PDE10A: variants seen among roughly 807,000 people sequenced by gnomAD.
The protein encoded by PDE10A is cAMP and cAMP-inhibited cGMP 3',5'-cyclic phosphodiesterase 10A.
PDE10A carries 39 observed loss-of-function variants against 97.7 expected under a neutral mutation model. The ratio of observed to expected loss-of-function variants is 0.40; its 90% confidence interval spans 0.31 to 0.52. PDE10A has a LOEUF of 0.52. Among genes scored for constraint, PDE10A ranks in the 20% least tolerant of loss-of-function variants. PDE10A has a pLI of 0.56. For synonymous variants in PDE10A, 371 were observed against 376.8 expected, an observed-to-expected ratio of 0.98 and a Z score of 0.18; for missense variants, 731 against 1,047.8, an observed-to-expected ratio of 0.70 and a Z score of 4.17.
At chr6:165,971,414 C>A (rs748909037) in intron 1 of PDE10A, among the ~76,000 whole-genome samples, 7 of 152,166 alleles carry the variant, frequency 4.6e-5, no homozygotes, top group Non-Finnish European at 8.8e-5. Context: ...AGGGCTCATG[C>A]CACACCTTCT....
chr6:165,918,135 T>A (rs1370586911), intron 1 of PDE10A, among the ~76,000 whole-genome samples: 1 of 152,216 alleles, frequency 6.6e-6, no homozygotes, highest in Non-Finnish European at 1.5e-5. Context: ...AATGGTCTCA[T>A]GTGTAGAATT....
intron 1 of PDE10A, among the ~76,000 whole-genome samples, chr6:165,748,769 A>G (rs1792899324): frequency 6.6e-6 from 1 of 152,008 alleles, no homozygotes; most frequent in African/African-American, 2.4e-5. Context: ...GTTTCAAGGC[A>G]CTTAGTGTTC....
At chr6:165,448,709 AACACAC>A (rs10645551) in intron 5 of PDE10A, among the ~76,000 whole-genome samples, 16 of 147,484 alleles carry the variant, frequency 1.1e-4, no homozygotes, top group East Asian at 4.0e-4. Flanking sequence ...AGCCAAAGGA[AACACAC>A]ACACACACAC....
At chr6:165,974,304 C>T (rs1291358745) in intron 1 of PDE10A, among the ~76,000 whole-genome samples, 2 of 152,210 alleles carry the variant, frequency 1.3e-5, no homozygotes, top group Non-Finnish European at 2.9e-5. Context: ...CAAATCTCTT[C>T]TCTAGAATCC....
chr6:165,832,105 C>T (rs991734228), intron 1 of PDE10A, among the ~76,000 whole-genome samples: 1 of 152,174 alleles, frequency 6.6e-6, no homozygotes, highest in Non-Finnish European at 1.5e-5. Flanking sequence ...CTTTAGTTTA[C>T]ACCCTAGGAA....
chr6:165,856,360 A>C (rs945224404), intron 1 of PDE10A, among the ~76,000 whole-genome samples: 3 of 152,198 alleles, frequency 2.0e-5, no homozygotes, highest in Non-Finnish European at 4.4e-5. Flanking sequence ...TTCTGGTAGA[A>C]GGTCCTCCCT....
intron 1 of PDE10A, among the ~76,000 whole-genome samples, chr6:165,610,074 A>G (rs1463287565): frequency 6.6e-6 from 1 of 152,222 alleles, no homozygotes; most frequent in Non-Finnish European, 1.5e-5. Context: ...CAAAAGTACA[A>G]AGCTGGAGGC....
At chr6:165,573,573 T>C (rs1010897654) in intron 1 of PDE10A, among the ~76,000 whole-genome samples, 7 of 152,174 alleles carry the variant, frequency 4.6e-5, no homozygotes, top group African/African-American at 1.7e-4. Context: ...TTCATCAAAT[T>C]TGCCACACTT....
chr6:165,340,683 A>C (rs1781920378), intron 19 of PDE10A, among the ~76,000 whole-genome samples: 1 of 152,242 alleles, frequency 6.6e-6, no homozygotes, highest in Non-Finnish European at 1.5e-5. Flanking sequence ...CATGGCTCTA[A>C]CAGAGGGCTG....
chr6:165,687,895 G>A (rs898668628), intron 1 of PDE10A, among the ~76,000 whole-genome samples: 30 of 152,278 alleles, frequency 2.0e-4, no homozygotes, highest in African/African-American at 6.7e-4. Flanking sequence ...TGAAATGTGG[G>A]GCCTGGAAGC....
chr6:165,461,132 G>GA (rs1277799249), intron 3 of PDE10A, among the ~76,000 whole-genome samples: 108 of 152,136 alleles, frequency 7.1e-4, no homozygotes, highest in Admixed American at 1.2e-3. Flanking sequence ...TCATAATTAA[G>GA]AAAAAATCAG....
chr6:165,935,520 T>G (rs1333846285), intron 1 of PDE10A, among the ~76,000 whole-genome samples: 1 of 152,194 alleles, frequency 6.6e-6, no homozygotes, highest in African/African-American at 2.4e-5. Context: ...AGGGAAATCG[T>G]GGGCAAAATC....
chr6:165,571,486 T>C (rs1459199769), intron 1 of PDE10A, among the ~76,000 whole-genome samples: 1 of 152,136 alleles, frequency 6.6e-6, no homozygotes, highest in Admixed American at 6.5e-5. Flanking sequence ...GTTATCTGAG[T>C]AGTCAGTATC....
chr6:165,982,558 C>G (rs1785052339), intron 1 of PDE10A, among the ~76,000 whole-genome samples: 1 of 152,136 alleles, frequency 6.6e-6, no homozygotes, highest in Non-Finnish European at 1.5e-5. Context: ...AGGTTTCTAA[C>G]TACAGTGTAA....
chr6:165,733,889 G>A (rs921531231), intron 1 of PDE10A, among the ~76,000 whole-genome samples: 36 of 151,734 alleles, frequency 2.4e-4, no homozygotes, highest in African/African-American at 8.5e-4. Context: ...AAAAAACTGG[G>A]CCTTTTGGTC....
intron 1 of PDE10A, among the ~76,000 whole-genome samples, chr6:165,633,809 G>A (rs552173748): frequency 1.9e-4 from 26 of 134,672 alleles, no homozygotes; most frequent in African/African-American, 6.0e-4. Context: ...TTTTTTTTTC[G>A]TATTTTTATA....
chr6:165,414,468 T>C (rs1047941265), intron 12 of PDE10A, among the ~76,000 whole-genome samples: 4 of 152,212 alleles, frequency 2.6e-5, no homozygotes, highest in Non-Finnish European at 4.4e-5. Flanking sequence ...GTTTTTGAGA[T>C]TCATCCATGT....
At chr6:165,722,821 A>G (rs6940001) in intron 1 of PDE10A, among the ~76,000 whole-genome samples, 1,588 of 152,170 alleles carry the variant, frequency 0.01, 30 homozygotes, top group African/African-American at 0.037. Flanking sequence ...TTCAGGTAAC[A>G]CAACATGAGA....
At chr6:165,905,314 G>C (rs1583264345) in intron 1 of PDE10A, among the ~76,000 whole-genome samples, 1 of 152,220 alleles carries the variant, frequency 6.6e-6, no homozygotes, top group Admixed American at 6.5e-5. Flanking sequence ...AGTCTACATA[G>C]AGGTTGTTTA....
Sources: allele counts gnomAD v4.1 joint callset (sites outside exome capture counted in the v4.1 genomes callset), GRCh38; gene constraint gnomAD v4.1.1; transcripts MANE v1.5; gene names NCBI Gene and HGNC (gene_info 2026-07-23, HGNC 2026-07-21).